The following KCNH1 variants were observed in gnomAD, a reference collection of about 807,000 sequenced individuals.
KCNH1 encodes potassium voltage-gated channel subfamily H member 1.
KCNH1 carries 27 observed loss-of-function variants against 69.2 expected under a neutral mutation model. The ratio of observed to expected loss-of-function variants is 0.39; its 90% CI spans 0.29 to 0.54. The LOEUF (loss-of-function observed/expected upper bound fraction) is 0.54, where lower values mean the gene tolerates loss of function less well. Ranked by LOEUF, KCNH1 falls within the 20% of genes least tolerant of loss-of-function variation. The pLI is 0.68. For synonymous variants in KCNH1, 456 were observed against 487.7 expected, an observed-to-expected ratio of 0.93 and a Z score of 0.86; for missense variants, 798 against 1,261.6, an observed-to-expected ratio of 0.63 and a Z score of 5.57.
chr1:211,134,009 G>T lies in KCNH1; in HGVS notation c.-64C>A. On this transcript the variant is annotated 5_prime_UTR_variant, in exon 1 of 11. Coordinates refer to ENST00000271751, the MANE Select transcript of KCNH1 (RefSeq NM_172362.3). The surrounding 1 kb of genome is among the most constrained non-coding windows in gnomAD (Gnocchi z 5.7). ...GGCTTCTTACGACAGCAGGAAACTG[G>T]CCTCGGGGCCCGCACGCAGTCCCGG... The T allele has an allele frequency of 7.0e-7, 1 of 1,430,216 alleles. No homozygotes were observed. The highest frequency in any genetic ancestry group is 9.8e-7 in the Non-Finnish European group (1 of 1,021,198). 88.6% of individuals were successfully genotyped at this position (1,430,216 alleles called of 1,614,324 possible). A position where few individuals can be genotyped will look rare whatever the true frequency, so the allele number is the denominator to read the frequency against.
chr1:211,000,864 C>A (rs1689163365), intron 6 of KCNH1, among the ~76,000 whole-genome samples: 1 of 152,160 alleles, frequency 6.6e-6, no homozygotes, highest in African/African-American at 2.4e-5. Context: ...TACCACAAAT[C>A]TACAACCATC....
At position 211,133,789 on chromosome 1, in the gene KCNH1, G is replaced by A. The variant is rs1033564321; in HGVS notation, c.79+78C>T. ...CTCGCGGGTTCTGCTGCATCTGCTGGCTCCGAGCGGCGAGAGGTTCTGCAA... is the reference window on the plus strand; with the variant it reads ...CTCGCGGGTTCTGCTGCATCTGCTGACTCCGAGCGGCGAGAGGTTCTGCAA... On this transcript the variant is annotated intron_variant, in intron 1 of 10. Coordinates refer to ENST00000271751, the MANE Select transcript of KCNH1 (RefSeq NM_172362.3). The surrounding 1 kb of genome is among the most constrained non-coding windows in gnomAD (Gnocchi z 5.4). 2.2e-6 allele frequency: 3 copies of A among 1,351,622 alleles called. No homozygotes were observed. The highest frequency in any genetic ancestry group is 3.2e-6 in the Non-Finnish European group (3 of 952,278). 83.7% of individuals were successfully genotyped at this position (1,351,622 alleles called of 1,614,324 possible). A position where few individuals can be genotyped will look rare whatever the true frequency, so the allele number is the denominator to read the frequency against.
At chr1:210,776,818 G>C (rs1187264978) in intron 9 of KCNH1, among the ~76,000 whole-genome samples, 1 of 152,172 alleles carries the variant, frequency 6.6e-6, no homozygotes, top group Non-Finnish European at 1.5e-5. Flanking sequence ...CTAACCATCT[G>C]CTTTTCACAC....
At chr1:211,013,573 C>T (rs1241473038) in intron 6 of KCNH1, among the ~76,000 whole-genome samples, 1 of 152,212 alleles carries the variant, frequency 6.6e-6, no homozygotes, top group African/African-American at 2.4e-5. Flanking sequence ...CAGCATGACC[C>T]GCAGGAGAAA....
chr1:210,685,451 C>T (rs757994500), intron 10 of KCNH1, among the ~76,000 whole-genome samples: 16 of 152,206 alleles, frequency 1.1e-4, no homozygotes, highest in South Asian at 4.1e-4. Context: ...GCCACAGGAC[C>T]GCCAGTCTTG....
chr1:210,742,108 G>C (rs1374041567), intron 10 of KCNH1, among the ~76,000 whole-genome samples: 1 of 152,168 alleles, frequency 6.6e-6, no homozygotes, highest in Admixed American at 6.5e-5. Flanking sequence ...GGCCTTCTCA[G>C]AACTAGCAAG....
At chr1:211,109,338 A>G (rs1369033081) in intron 1 of KCNH1, among the ~76,000 whole-genome samples, 1 of 152,242 alleles carries the variant, frequency 6.6e-6, no homozygotes, top group Non-Finnish European at 1.5e-5. Context: ...TCTGGAATGA[A>G]TAAAGTCAGA....
intron 6 of KCNH1, among the ~76,000 whole-genome samples, chr1:210,977,021 G>A (rs1268984651): frequency 6.6e-6 from 1 of 152,026 alleles, no homozygotes; most frequent in African/African-American, 2.4e-5. Flanking sequence ...GTTTATTGTG[G>A]CACTATTCAC....
At chr1:211,097,520 A>G (rs1016047250) in intron 3 of KCNH1, among the ~76,000 whole-genome samples, 8 of 152,268 alleles carry the variant, frequency 5.3e-5, no homozygotes, top group African/African-American at 1.2e-4. Flanking sequence ...TTTACAATCA[A>G]TATTCATTAC....
rs191635910 is a variant in KCNH1, at chr1:210,917,601, C to T, written c.1462+2039G>A. Among the ~76,000 whole-genome samples, 35 of 152,264 alleles carry T rather than the reference C, an allele frequency of 2.3e-4. No homozygotes were observed. In the East Asian group the frequency reaches 4.1e-3, roughly 18 times the overall value. Reference sequence around the variant, plus strand: ...AAATCTCATATTTGAAAGCCTTTTGCGAGTCCATAAAATGGGACCCATTTT... The same window carrying T: ...AAATCTCATATTTGAAAGCCTTTTGTGAGTCCATAAAATGGGACCCATTTT... On this transcript the variant is annotated intron_variant, in intron 7 of 10. Transcript: ENST00000271751.
At chr1:210,749,767 G>A (rs1157243526) in intron 10 of KCNH1, among the ~76,000 whole-genome samples, 1 of 143,346 alleles carries the variant, frequency 7.0e-6, no homozygotes, top group African/African-American at 2.7e-5. Context: ...TTTTGAGATG[G>A]AGCCTCGCTC....
intron 10 of KCNH1, among the ~76,000 whole-genome samples, chr1:210,739,329 C>A (rs561255297): frequency 6.6e-6 from 1 of 152,348 alleles, no homozygotes; most frequent in South Asian, 2.1e-4. Flanking sequence ...CCCATCCTGA[C>A]TAGAACTACA....
At chr1:210,860,866 A>C in intron 7 of KCNH1, 1 of 923,976 alleles carries the variant, frequency 1.1e-6, no homozygotes, top group Non-Finnish European at 1.8e-6. Context: ...CCTTGCTCTC[A>C]TGTAGCCTAG....
intron 7 of KCNH1, among the ~76,000 whole-genome samples, chr1:210,894,154 G>GA (rs1372168073): frequency 6.6e-6 from 1 of 152,108 alleles, no homozygotes; most frequent in African/African-American, 2.4e-5. Flanking sequence ...TTGTGAATAG[G>GA]ACTTTTGGGG....
At chr1:210,920,143 G>GCCC (rs1487015587) in intron 6 of KCNH1, 74 bp from the exon 7 acceptor site, 1 of 1,349,848 alleles carries the variant, frequency 7.4e-7, no homozygotes, top group Non-Finnish European at 1.0e-6. Flanking sequence ...CCCCACTTGG[G>GCCC]CCATTATTTT....
At chr1:211,055,253 G>C (rs1690284112) in intron 5 of KCNH1, among the ~76,000 whole-genome samples, 1 of 152,186 alleles carries the variant, frequency 6.6e-6, no homozygotes, top group Non-Finnish European at 1.5e-5. Flanking sequence ...CAGGGACTTA[G>C]GGGAGGAAAA....
Position 210,788,685 on chromosome 1 carries a change from CTTTTTTT to C in KCNH1, c.1915+8816_1915+8822del, listed in dbSNP as rs139485350. On this transcript the variant is annotated intron_variant, in intron 9 of 10. Coordinates refer to ENST00000271751, the MANE Select transcript of KCNH1 (RefSeq NM_172362.3). ...AGATTATTCATATTATAGCTTCTTT[CTTTTTTT>C]TTTTTTTTTTTTTTTTTTTTTTGAG... 7.7e-3 allele frequency among the ~76,000 whole-genome samples: 618 copies of C among 80,762 alleles called. 20 individuals carry two copies. The highest frequency in any genetic ancestry group is 0.029 in the African/African-American group (593 of 20,232). 53.0% of individuals were successfully genotyped at this position (80,762 alleles called of 152,430 possible).
intron 10 of KCNH1, among the ~76,000 whole-genome samples, chr1:210,758,467 C>T (rs1289442606): frequency 3.3e-5 from 5 of 152,172 alleles, no homozygotes; most frequent in African/African-American, 1.2e-4. Context: ...ACTGGATGCC[C>T]CAGCCTGCTC....
At chr1:210,979,992 T>C (rs542474875) in intron 6 of KCNH1, among the ~76,000 whole-genome samples, 28 of 152,224 alleles carry the variant, frequency 1.8e-4, no homozygotes, top group Non-Finnish European at 3.5e-4. Context: ...GGACAAATAT[T>C]TACTAATTAT....
Sources: gnomAD v4.1 joint callset for allele counts (sites outside exome capture counted in the v4.1 genomes callset) on GRCh38, gnomAD v4.1.1 for gene constraint, Gnocchi (gnomAD v3.1) non-coding constraint, MANE v1.5 for transcripts, NCBI Gene and HGNC (gene_info 2026-07-23, HGNC 2026-07-21) for gene names.